Variants in EEPD1 observed in about 807,000 individuals in gnomAD.
The protein encoded by EEPD1 is endonuclease/exonuclease/phosphatase family domain-containing protein 1.
Under a neutral mutation model 46.3 loss-of-function variants are expected in EEPD1, and 17 were observed. That is an observed-to-expected ratio of 0.37 (90% CI 0.25 to 0.55). EEPD1 has a LOEUF of 0.55. EEPD1 is among the 20% of genes least tolerant of loss of function. The probability of loss-of-function intolerance (pLI) is 0.83; values close to 1 mark genes in which losing one functional copy is unlikely to be tolerated. For missense variants in EEPD1, 673 were observed against 745.6 expected (o/e 0.90, Z 1.13); for synonymous variants, 313 against 315.6 (o/e 0.99, Z 0.09).
At chr7:36,199,657 C>CTCTCTGAG (rs1480549576) in intron 2 of EEPD1, among the ~76,000 whole-genome samples, 2 of 152,150 alleles carry the variant, frequency 1.3e-5, no homozygotes, top group Admixed American at 6.5e-5. Context: ...TGACAGCATC[C>CTCTCTGAG]TCTCTGAGTC....
intron 3 of EEPD1, among the ~76,000 whole-genome samples, chr7:36,271,394 C>G (rs1485038998): frequency 6.6e-6 from 1 of 152,018 alleles, no homozygotes; most frequent in Non-Finnish European, 1.5e-5. Flanking sequence ...GTTTGTTGGC[C>G]GCATAAATAT....
Position 36,225,277 on chromosome 7 carries a change from G to A in EEPD1, c.879-13708G>A, listed in dbSNP as rs1429975616. On this transcript the variant is annotated intron_variant, in intron 2 of 7. Coordinates refer to ENST00000242108, the MANE Select transcript of EEPD1 (RefSeq NM_030636.3). This position sits in a 1 kb window ranked among gnomAD's most constrained non-coding sequence, Gnocchi z 4.2. ...GATATGAGTCAGGGTGAAACAAGTC[G>A]AGAAAGATTCTGGAAAATATGAGAA... Among the ~76,000 whole-genome samples, 1 of 152,276 alleles carries A rather than the reference G, an allele frequency of 6.6e-6. No homozygotes were observed. The highest frequency in any genetic ancestry group is 2.4e-5 in the African/African-American group (1 of 41,534).
At chr7:36,244,686 C>G (rs1786607660) in intron 3 of EEPD1, among the ~76,000 whole-genome samples, 1 of 152,076 alleles carries the variant, frequency 6.6e-6, no homozygotes, top group East Asian at 1.9e-4. Flanking sequence ...CTGAAGGCCC[C>G]AGCCCCTTTC....
At chr7:36,236,240 T>G (rs1325900800) in intron 2 of EEPD1, among the ~76,000 whole-genome samples, 1 of 152,196 alleles carries the variant, frequency 6.6e-6, no homozygotes, top group Non-Finnish European at 1.5e-5. Flanking sequence ...GGCCCCTCTC[T>G]GGGGCTGGCG....
At chr7:36,280,858 C>G (rs1348428409) in intron 3 of EEPD1, among the ~76,000 whole-genome samples, 3 of 152,190 alleles carry the variant, frequency 2.0e-5, no homozygotes, top group African/African-American at 7.2e-5. Context: ...CAGAGAGAAT[C>G]AATTTCTGTG....
At chr7:36,208,205 G>T (rs1306309334) in intron 2 of EEPD1, among the ~76,000 whole-genome samples, 3 of 152,174 alleles carry the variant, frequency 2.0e-5, no homozygotes, top group Non-Finnish European at 2.9e-5. Context: ...GTGACTGGAT[G>T]GGGGTGGGGT....
At chr7:36,239,064 T>G in intron 3 of EEPD1, 28 bp downstream of exon 3, 6 of 1,609,496 alleles carry the variant, frequency 3.7e-6, no homozygotes, top group Non-Finnish European at 5.1e-6. Context: ...CCTTCCACAT[T>G]CACAAACCAA....
At chr7:36,198,670 A>G (rs1785657608) in intron 2 of EEPD1, among the ~76,000 whole-genome samples, 1 of 152,250 alleles carries the variant, frequency 6.6e-6, no homozygotes, top group African/African-American at 2.4e-5. Flanking sequence ...CGAAAGTTTT[A>G]AATGATTAGA....
chr7:36,190,038 C>T (rs763008560), intron 2 of EEPD1, among the ~76,000 whole-genome samples: 1 of 151,642 alleles, frequency 6.6e-6, no homozygotes, highest in Non-Finnish European at 1.5e-5. Flanking sequence ...TGTGGAAAAG[C>T]GTGGAAGTTT....
intron 2 of EEPD1, among the ~76,000 whole-genome samples, chr7:36,171,557 G>A (rs1047209044): frequency 3.3e-5 from 5 of 152,166 alleles, no homozygotes; most frequent in African/African-American, 1.2e-4. Flanking sequence ...CATCTCCATG[G>A]ATTTGTATGT....
chr7:36,290,068 A>G (rs1787404784), intron 6 of EEPD1, among the ~76,000 whole-genome samples: 1 of 152,210 alleles, frequency 6.6e-6, no homozygotes, highest in Non-Finnish European at 1.5e-5. Flanking sequence ...TTGTCCACCT[A>G]TAGTTAGACT....
intron 3 of EEPD1, among the ~76,000 whole-genome samples, chr7:36,278,294 G>C (rs1405773815): frequency 6.6e-6 from 1 of 152,146 alleles, no homozygotes; most frequent in Non-Finnish European, 1.5e-5. Flanking sequence ...TCTAAGCCAG[G>C]GTGGGGTTTG....
At chr7:36,187,339 C>T (rs1040818914) in intron 2 of EEPD1, among the ~76,000 whole-genome samples, 8 of 152,118 alleles carry the variant, frequency 5.3e-5, no homozygotes, top group Non-Finnish European at 2.9e-5. Context: ...CACCACCATC[C>T]GTCTCCAGAA....
At chr7:36,214,834 T>C (rs1038146387) in intron 2 of EEPD1, among the ~76,000 whole-genome samples, 2 of 152,154 alleles carry the variant, frequency 1.3e-5, no homozygotes, top group African/African-American at 4.8e-5. Context: ...TGAAGTTGAC[T>C]CCACTCAGAA....
intron 2 of EEPD1, among the ~76,000 whole-genome samples, chr7:36,207,299 CAG>C (rs143640130): frequency 0.016 from 2,374 of 152,250 alleles, 67 homozygotes; most frequent in African/African-American, 0.054. Context: ...CCCATGATAT[CAG>C]GGGATGTTCT....
Position 36,251,266 on chromosome 7 carries a change from T to C in EEPD1, c.930+12230T>C, listed in dbSNP as rs191253282. Among the ~76,000 whole-genome samples the C allele has an allele frequency of 2.2e-4, 34 of 152,314 alleles. No individual in the cohort carries two copies. The East Asian group carries it at 5.8e-3, about 26-fold the overall frequency. On this transcript the variant is annotated intron_variant, in intron 3 of 7. Transcript: ENST00000242108. ...TTTGCCTTCCCGTCATTTTTGCCACTGTCCTATTTCTCTTCTTTCCTCTAC... is the reference window on the plus strand; with the variant it reads ...TTTGCCTTCCCGTCATTTTTGCCACCGTCCTATTTCTCTTCTTTCCTCTAC...
At chr7:36,172,269 C>T (rs1291875453) in intron 2 of EEPD1, among the ~76,000 whole-genome samples, 2 of 152,228 alleles carry the variant, frequency 1.3e-5, no homozygotes, top group Non-Finnish European at 2.9e-5. Context: ...GGACTCTAAT[C>T]TTCCCCTCCT....
rs1476802938 is a variant in EEPD1, at chr7:36,249,877, AC to A, written c.930+10842del. Among the ~76,000 whole-genome samples, 3 of 152,194 alleles carry A rather than the reference AC, an allele frequency of 2.0e-5. 1 individual carries two copies. The highest frequency in any genetic ancestry group is 2.9e-5 in the Non-Finnish European group (2 of 68,024). On this transcript the variant is annotated intron_variant, in intron 3 of 7. Coordinates refer to ENST00000242108, the MANE Select transcript of EEPD1 (RefSeq NM_030636.3). ...AGTAGCAATAAGTGCTTTAAAAAAA[AC>A]AGGTTGTCAAGAGGGAGGTCCTCAC...
In EEPD1 at chr7:36,297,113, G is replaced by T; in HGVS notation, c.1436G>T (p.Ser479Ile). The change falls in exon 7 of 8, where the codon AGC (serine) becomes ATC (isoleucine). Residue 479 changes from serine to isoleucine, a missense_variant. By Grantham distance (142) the Ser-to-Ile change is moderately radical (BLOSUM62 -2). Coordinates refer to ENST00000242108, the MANE Select transcript of EEPD1 (RefSeq NM_030636.3). ...CCCGCGCACACCTTCACCAACATCA[G>T]CACCAAGAACCCTCAAGGCTCGAAG... The part of the protein sequence containing the change: ...LIPAHTFTNI[S>I]TKNPQGSKSL... The T allele has an allele frequency of 6.2e-7, 1 of 1,614,210 alleles. No homozygotes were observed. The highest frequency in any genetic ancestry group is 1.3e-5 in the African/African-American group (1 of 75,068).
Sources: gnomAD v4.1 joint callset for allele counts (sites outside exome capture counted in the v4.1 genomes callset) on GRCh38, gnomAD v4.1.1 for gene constraint, Gnocchi (gnomAD v3.1) non-coding constraint, MANE v1.5 for transcripts, NCBI Gene and HGNC (gene_info 2026-07-23, HGNC 2026-07-21) for gene names.